The following ZC3H7A variants were observed in gnomAD, a reference collection of about 807,000 sequenced individuals.
The protein encoded by ZC3H7A is zinc finger CCCH-type containing 7A, also known as zinc finger CCCH domain-containing protein 7A.
A neutral mutation model predicts 125.5 loss-of-function variants in ZC3H7A; 44 were observed. That is an observed-to-expected ratio of 0.35 (90% CI 0.28 to 0.45). The LOEUF is 0.45. Among genes scored for constraint, ZC3H7A ranks in the 20% least tolerant of loss-of-function variants. The probability of loss-of-function intolerance (pLI) is 1.00; values close to 1 mark genes in which losing one functional copy is unlikely to be tolerated. For synonymous variants in ZC3H7A, 399 were observed against 391.2 expected, an observed-to-expected ratio of 1.02 and a Z score of -0.23; for missense variants, 977 against 1,170.7, an observed-to-expected ratio of 0.83 and a Z score of 2.41.
Position 11,763,539 on chromosome 16 carries a change from A to G in ZC3H7A, c.1941T>C (p.Asp647=). Residue 647 remains aspartate (D), a synonymous_variant, in exon 16 of 23, where the codon GAT becomes GAC. Coordinates refer to ENST00000355758, the MANE Select transcript of ZC3H7A (RefSeq NM_014153.4). ...HEVRYGCLRE[D]ECFYAHSLVE... is the part of the protein sequence containing the mutation. ...CAAGACTATGGGCATAAAAGCACTC[A>G]TCTTCCCTTAAACAGCCATACCGAA... The G allele has an allele frequency of 6.2e-7, 1 of 1,610,522 alleles. No individual in the cohort carries two copies. Among genetic ancestry groups the G allele is most frequent in the Non-Finnish European group, 8.5e-7 (1 of 1,178,164 alleles).
intron 16 of ZC3H7A, chr16:11,763,232 C>A: frequency 3.2e-6 from 1 of 311,918 alleles, no homozygotes; most frequent in East Asian, 5.7e-5. Flanking sequence ...CTCAGCCTCC[C>A]AAGTAGCTGG....
rs201365387 is a variant in ZC3H7A, at chr16:11,768,399, G to A, written c.1276C>T (p.Pro426Ser). The A allele has an allele frequency of 2.6e-4, 412 of 1,597,914 alleles. No individual in the cohort carries two copies. The highest frequency in any genetic ancestry group is 3.4e-4 in the Non-Finnish European group (400 of 1,169,754). ...GNFFGSAVTKPSSSVTPRHPL... is the reference protein window; with the variant it reads ...GNFFGSAVTKSSSSVTPRHPL... ...TGTCTTGGAGTCACTGATGAAGATGGTTTGGTAACTGCACTTCCAAAAAAG... is the reference window on the plus strand; with the variant it reads ...TGTCTTGGAGTCACTGATGAAGATGATTTGGTAACTGCACTTCCAAAAAAG... Residue 426 changes from proline to serine, a missense_variant, in exon 12 of 23, where the codon CCA (proline) becomes TCA (serine). Physicochemically the swap from Pro to Ser is moderately conservative, Grantham distance 74. Transcript: ENST00000355758.
chr16:11,774,257 A>G lies in ZC3H7A; in HGVS notation c.882T>C (p.Pro294=). 4 of 1,592,444 alleles carry G rather than the reference A, an allele frequency of 2.5e-6. No homozygotes were observed. The highest frequency in any genetic ancestry group is 3.4e-6 in the Non-Finnish European group (4 of 1,165,698). Residue 294 remains proline (P), a synonymous_variant, in exon 9 of 23, where the codon CCT becomes CCC. Coordinates refer to ENST00000355758, the MANE Select transcript of ZC3H7A (RefSeq NM_014153.4). ...DELDDLLDSA[P]ETNETVMPSA... is the part of the protein sequence containing the mutation. ...TTACCATAACAGTTTCATTAGTTTC[A>G]GGTGCAGAATCAAGCAGGTCATCTA...
At chr16:11,786,515 A>G (rs1316133112) in intron 1 of ZC3H7A, among the ~76,000 whole-genome samples, 1 of 152,240 alleles carries the variant, frequency 6.6e-6, no homozygotes, top group African/African-American at 2.4e-5. Flanking sequence ...AGAAAGTGTT[A>G]GAGAACCTTG....
intron 2 of ZC3H7A, 97 bp downstream of exon 2, chr16:11,782,190 A>G (rs2053183526): frequency 1.4e-6 from 2 of 1,383,632 alleles, no homozygotes; most frequent in East Asian, 4.6e-5. Flanking sequence ...AACTGGACCT[A>G]TTAAACATGA....
At chr16:11,775,302 T>G (rs2053060605) in intron 7 of ZC3H7A, among the ~76,000 whole-genome samples, 2 of 145,472 alleles carry the variant, frequency 1.4e-5, no homozygotes, top group African/African-American at 5.1e-5. Flanking sequence ...ACCCGGGAGG[T>G]GGAGGCTGCA....
intron 1 of ZC3H7A, among the ~76,000 whole-genome samples, chr16:11,793,547 G>A (rs567846437): frequency 1.3e-5 from 2 of 151,138 alleles, no homozygotes; most frequent in African/African-American, 2.4e-5. Context: ...AAAAGGGGGT[G>A]GGGGGGAGGA....
At position 11,768,492 on chromosome 16, in the gene ZC3H7A, G is replaced by T; in HGVS notation, c.1183C>A (p.Pro395Thr). 1.4e-6 allele frequency: 2 copies of T among 1,438,592 alleles called. No homozygotes were observed. Among genetic ancestry groups the T allele is most frequent in the Non-Finnish European group, 9.2e-7 (1 of 1,085,686 alleles). 89.1% of individuals were successfully genotyped at this position (1,438,592 alleles called of 1,614,324 possible). ...TTCTCTGAAGCAAACAAACTACCTG[G>T]TCCATTCATCTGCAAGAAAAATAAG... ...SNSSLLLMNG[P>T]GSLFASENFL... is the part of the protein sequence containing the mutation. Residue 395 changes from proline to threonine, a missense_variant, in exon 12 of 23, where the codon CCA becomes ACA. By Grantham distance (38) the Pro-to-Thr change is conservative. Coordinates refer to ENST00000355758, the MANE Select transcript of ZC3H7A (RefSeq NM_014153.4).
At chr16:11,779,130 C>T in intron 4 of ZC3H7A, 36 bp downstream of exon 4, 7 of 1,506,628 alleles carry the variant, frequency 4.6e-6, no homozygotes, top group Non-Finnish European at 6.3e-6. Context: ...AAATTCTTTT[C>T]ACTCTAGAAA....
intron 10 of ZC3H7A, among the ~76,000 whole-genome samples, 186 bp downstream of exon 10, chr16:11,770,597 G>A (rs1413198047): frequency 6.6e-6 from 1 of 152,092 alleles, no homozygotes; most frequent in African/African-American, 2.4e-5. Context: ...TTTGCTCCTG[G>A]GTCTCCAGAA....
chr16:11,767,387 G>T, intron 13 of ZC3H7A, 30 bp downstream of exon 13: 2 of 1,454,910 alleles, frequency 1.4e-6, no homozygotes, highest in Non-Finnish European at 9.4e-7. Context: ...CTTATGTAAT[G>T]TATACTAATT....
chr16:11,752,555 C>T (rs540936211), intron 22 of ZC3H7A, 114 bp downstream of exon 22: 2 of 1,334,808 alleles, frequency 1.5e-6, no homozygotes, highest in South Asian at 1.5e-5. Flanking sequence ...CAGGGTCTGT[C>T]AGAGCACAGC....
At chr16:11,761,757 T>G in intron 18 of ZC3H7A, 153 bp downstream of exon 18, 1 of 1,123,096 alleles carries the variant, frequency 8.9e-7, no homozygotes, top group Non-Finnish European at 1.2e-6. Context: ...TACTAGGTCC[T>G]AAAAATCTCT....
chr16:11,788,203 G>A (rs1040997548), intron 1 of ZC3H7A, among the ~76,000 whole-genome samples: 1 of 151,904 alleles, frequency 6.6e-6, no homozygotes, highest in Non-Finnish European at 1.5e-5. Context: ...CCTGGGCTAG[G>A]TCTGTCCCCA....
chr16:11,754,615 G>A (rs2052607813), intron 21 of ZC3H7A, among the ~76,000 whole-genome samples: 2 of 152,088 alleles, frequency 1.3e-5, no homozygotes, highest in African/African-American at 4.8e-5. Flanking sequence ...AATGTAGCTG[G>A]GCACGGTGGC....
chr16:11,783,150 G>C (rs373804334), intron 1 of ZC3H7A: 9 of 152,142 alleles, frequency 5.9e-5, no homozygotes, highest in African/African-American at 2.2e-4. Flanking sequence ...CTCCGAGGGA[G>C]TCTGACTTCC....
intron 9 of ZC3H7A, among the ~76,000 whole-genome samples, chr16:11,773,330 C>T (rs974633606): frequency 6.6e-6 from 1 of 151,940 alleles, no homozygotes; most frequent in Admixed American, 6.5e-5. Context: ...AGGCACGCAC[C>T]ACTATGCCAG....
At chr16:11,777,519 G>C (rs1227928052) in intron 4 of ZC3H7A, among the ~76,000 whole-genome samples, 1 of 152,056 alleles carries the variant, frequency 6.6e-6, no homozygotes, top group Non-Finnish European at 1.5e-5. Flanking sequence ...TCAGGAGTTC[G>C]AGACCAGCCT....
rs1027800620 is a variant in ZC3H7A at position 11,761,902 on chromosome 16, A to C, written c.2213+8T>G. 3 of 1,611,416 alleles carry C rather than the reference A, an allele frequency of 1.9e-6. No homozygotes were observed. The highest frequency in any genetic ancestry group is 3.4e-5 in the Admixed American group (2 of 59,350). On this transcript the variant is annotated splice_region_variant and intron_variant, in intron 18 of 22. Coordinates refer to ENST00000355758, the MANE Select transcript of ZC3H7A (RefSeq NM_014153.4). Reference sequence around the variant, plus strand: ...AAAATAGGAATTGTTTCCACACACAATACTTACGAATGCCTTGCTTTTGCA... The same window carrying C: ...AAAATAGGAATTGTTTCCACACACACTACTTACGAATGCCTTGCTTTTGCA...
Sources: gnomAD v4.1 joint callset for allele counts (sites outside exome capture counted in the v4.1 genomes callset) on GRCh38, gnomAD v4.1.1 for gene constraint, MANE v1.5 for transcripts, NCBI Gene and HGNC (gene_info 2026-07-23, HGNC 2026-07-21) for gene names.